The following TCP1 variants were observed in gnomAD, a reference collection of about 807,000 sequenced individuals.
The protein encoded by TCP1 is t-complex 1, also known as T-complex protein 1 subunit alpha.
A neutral mutation model predicts 54.7 loss-of-function variants in TCP1; 6 were observed. The observed-to-expected ratio is 0.11, with a 90% CI of 0.06 to 0.22. The LOEUF (loss-of-function observed/expected upper bound fraction) is 0.22. Among genes scored for constraint, TCP1 ranks in the 10% least tolerant of loss-of-function variants. The pLI, the probability that TCP1 is intolerant of heterozygous loss-of-function variation, is 1.00. For synonymous variants in TCP1, 225 were observed against 229.7 expected, an observed-to-expected ratio of 0.98 and a Z score of 0.19; for missense variants, 511 against 678.2, an observed-to-expected ratio of 0.75 and a Z score of 2.74.
chr6:159,778,938 C>T lies in TCP1; in HGVS notation c.*107G>A, dbSNP rs1780502626. 9 of 1,558,678 alleles carry T rather than the reference C, an allele frequency of 5.8e-6. No individual in the cohort carries two copies. The highest frequency in any genetic ancestry group is 7.0e-6 in the Non-Finnish European group (8 of 1,146,838). The stretch of plus-strand genomic sequence containing the variant: ...TACAGATGGAAACCATTTCCTACAT[C>T]ACAAAAACCCAAGTTTACAGCTTGT... On this transcript the variant is annotated 3_prime_UTR_variant, in exon 12 of 12. Transcript: ENST00000321394.
At position 159,778,978 on chromosome 6, in the gene TCP1, TG is replaced by T; in HGVS notation, c.*66del. 1.9e-6 allele frequency: 3 copies of T among 1,564,398 alleles called. No homozygotes were observed. Among genetic ancestry groups the T allele is most frequent in the Non-Finnish European group, 2.6e-6 (3 of 1,146,236 alleles). The stretch of plus-strand genomic sequence containing the variant: ...TTACAGCTTGTACTTTACTTTAATG[TG>T]TAATACTCAACTCAAGGTACAAGAC... On this transcript the variant is annotated 3_prime_UTR_variant, in exon 12 of 12. Coordinates refer to ENST00000321394, the MANE Select transcript of TCP1 (RefSeq NM_030752.3).
rs1780636354 is a variant in TCP1 at position 159,784,070 on chromosome 6, A to G, written c.671-3T>C. Reference sequence around the variant, plus strand: ...ATTTACGATTCTCTTGGGCATGCCTACAATTGAACATAAGATTAAGTTAAT... The same window carrying G: ...ATTTACGATTCTCTTGGGCATGCCTGCAATTGAACATAAGATTAAGTTAAT... On this transcript the variant is annotated splice_region_variant and splice_polypyrimidine_tract_variant and intron_variant, in intron 6 of 11. Coordinates refer to ENST00000321394, the MANE Select transcript of TCP1 (RefSeq NM_030752.3). 1.2e-6 allele frequency: 2 copies of G among 1,611,836 alleles called. No homozygotes were observed. The highest frequency in any genetic ancestry group is 1.7e-6 in the Non-Finnish European group (2 of 1,179,324).
Position 159,780,432 on chromosome 6 carries a change from G to C in TCP1, c.1097+11C>G. Reference sequence around the variant, plus strand: ...CGGTATAACTTTACAATTTTAGAAAGTGGCTCTTACTTTTTGATTAAGATC... The same window carrying C: ...CGGTATAACTTTACAATTTTAGAAACTGGCTCTTACTTTTTGATTAAGATC... On this transcript the variant is annotated intron_variant, in intron 9 of 11. Coordinates refer to ENST00000321394, the MANE Select transcript of TCP1 (RefSeq NM_030752.3). The C allele has an allele frequency of 6.2e-7, 1 of 1,613,446 alleles. No individual in the cohort carries two copies. Among genetic ancestry groups the C allele is most frequent in the Non-Finnish European group, 8.5e-7 (1 of 1,179,666 alleles).
intron 3 of TCP1, among the ~76,000 whole-genome samples, chr6:159,786,266 A>AT (rs2114996677): frequency 6.6e-6 from 1 of 152,320 alleles, no homozygotes; most frequent in South Asian, 2.1e-4. Flanking sequence ...TGTAACGCTG[A>AT]TGGGGGGAGG....
chr6:159,787,929 ATAATACACGTTCACCTT>A (rs758355235), intron 2 of TCP1, 58 bp from the exon 3 acceptor site: 2 of 1,609,444 alleles, frequency 1.2e-6, no homozygotes. Context: ...CAGCCCCATT[ATAATACACGTTCACCTT>A]TAATATCACC....
intron 3 of TCP1, 93 bp from the exon 4 acceptor site, chr6:159,786,090 C>A (rs896051246): frequency 3.1e-6 from 3 of 963,922 alleles, no homozygotes; most frequent in Non-Finnish European, 1.6e-6. Context: ...ATATTATTAA[C>A]CAAAATGGTA....
chr6:159,787,813 G>A lies in TCP1; in HGVS notation c.209C>T (p.Pro70Leu), dbSNP rs1780733825. The A allele has an allele frequency of 1.2e-6, 2 of 1,614,020 alleles. No homozygotes were observed. The highest frequency in any genetic ancestry group is 1.7e-5 in the Admixed American group (1 of 60,008). Reference protein sequence around the residue: ...TILKLLEVEHPAAKVLCELAD... With the variant: ...TILKLLEVEHLAAKVLCELAD... ...CAGCTCACAAAGAACTTTAGCTGCAGGATGTTCTACCTCCAGTAACTTCAG... is the reference window on the plus strand; with the variant it reads ...CAGCTCACAAAGAACTTTAGCTGCAAGATGTTCTACCTCCAGTAACTTCAG... Residue 70 changes from proline to leucine, a missense_variant, in exon 3 of 12, where the codon CCT becomes CTT. Around this residue, in one of 5 missense-constraint regions of TCP1, gnomAD observed 54 missense variants for 111.8 expected, o/e 0.48. Transcript: ENST00000321394.
intron 6 of TCP1, 51 bp from the exon 7 acceptor site, chr6:159,784,118 TAA>T (rs764143203): frequency 9.6e-5 from 151 of 1,577,946 alleles, no homozygotes; most frequent in Non-Finnish European, 9.0e-5. Flanking sequence ...AAAAGCATAA[TAA>T]AGAGTACCTA....
chr6:159,788,220 G>C, intron 1 of TCP1, 77 bp from the exon 2 acceptor site: 1 of 1,398,894 alleles, frequency 7.1e-7, no homozygotes, highest in African/African-American at 1.4e-5. Context: ...TCAGCCTAAA[G>C]GTAAATGACA....
chr6:159,783,911 T>TA, intron 7 of TCP1, 30 bp downstream of exon 7: 2 of 1,559,672 alleles, frequency 1.3e-6, no homozygotes, highest in Non-Finnish European at 1.7e-6. Flanking sequence ...CACTCACACT[T>TA]AAAAGGCCAA....
chr6:159,780,121 C>A, intron 9 of TCP1, 34 bp from the exon 10 acceptor site: 1 of 1,578,216 alleles, frequency 6.3e-7, no homozygotes, highest in Non-Finnish European at 8.6e-7. Context: ...CTTGTAATAG[C>A]ATTTTTAAAA....
intron 8 of TCP1, 85 bp from the exon 9 acceptor site, chr6:159,780,651 G>C: frequency 6.6e-7 from 1 of 1,505,258 alleles, no homozygotes; most frequent in Non-Finnish European, 9.0e-7. Context: ...TGTGGTAAAA[G>C]TGCTATATTA....
intron 4 of TCP1, 133 bp downstream of exon 4, chr6:159,785,767 T>C (rs775706944): frequency 7.1e-6 from 6 of 842,776 alleles, no homozygotes; most frequent in Non-Finnish European, 1.2e-5. Context: ...ACTTCAAATA[T>C]TACTACTTAA....
intron 9 of TCP1, 26 bp downstream of exon 9, chr6:159,780,417 T>A (rs919301992): frequency 6.2e-7 from 1 of 1,613,338 alleles, no homozygotes; most frequent in Non-Finnish European, 8.5e-7. Flanking sequence ...CGGTATAACT[T>A]TACAATTTTA....
chr6:159,778,577 A>C lies in TCP1; in HGVS notation c.*468T>G. On this transcript the variant is annotated 3_prime_UTR_variant, in exon 12 of 12. Transcript: ENST00000321394. ...GTTTGAAAGGGTAGCATGCTGATAC[A>C]TTAAGAGGAAAAAGACAAGTTTAAG... is the stretch of plus-strand genomic sequence containing the variant. 1 of 1,474,344 alleles carries C rather than the reference A, an allele frequency of 6.8e-7. No homozygotes were observed. The highest frequency in any genetic ancestry group is 9.3e-7 in the Non-Finnish European group (1 of 1,074,882). The allele number at this position is 1,474,344 out of a possible 1,614,324, so 91.3% of individuals were successfully genotyped here.
chr6:159,781,235 G>C, intron 7 of TCP1, 125 bp from the exon 8 acceptor site: 2 of 889,236 alleles, frequency 2.2e-6, no homozygotes, highest in South Asian at 5.1e-5. Flanking sequence ...TCTCTGACCA[G>C]AATTTAAATT....
rs541424373 is a variant in TCP1 at position 159,780,557 on chromosome 6, A to G, written c.983T>C (p.Leu328Pro). The change falls in exon 9 of 12, where the codon CTG (leucine) becomes CCG (proline). Residue 328 changes from leucine (L) to proline (P), a missense_variant. By Grantham distance (98) the Leu-to-Pro change is moderately conservative. Around this residue, in one of 5 missense-constraint regions of TCP1, gnomAD observed 305 missense variants for 352.8 expected, o/e 0.86. Coordinates refer to ENST00000321394, the MANE Select transcript of TCP1 (RefSeq NM_030752.3). ...RIAKASGATI[L>P]STLANLEGEE... ...ACCTTCCAAATTGGCCAGGGTTGAC[A>G]GAATAGTTGCTAATAAGAGAGTTAC... 6.2e-7 allele frequency: 1 copy of G among 1,612,310 alleles called. No individual in the cohort carries two copies. Among genetic ancestry groups the G allele is most frequent in the Admixed American group, 1.7e-5 (1 of 59,588 alleles).
At chr6:159,780,706 C>G (rs1780556942) in intron 8 of TCP1, 140 bp from the exon 9 acceptor site, 3 of 1,274,148 alleles carry the variant, frequency 2.4e-6, no homozygotes, top group Non-Finnish European at 2.2e-6. Context: ...CTCCTTTTAT[C>G]CTAAGATGGA....
In TCP1 at chr6:159,780,582, C is replaced by G. The variant is rs1477402458; in HGVS notation, c.974-16G>C. 1 of 1,607,532 alleles carries G rather than the reference C, an allele frequency of 6.2e-7. No individual in the cohort carries two copies. The highest frequency in any genetic ancestry group is 8.5e-7 in the Non-Finnish European group (1 of 1,178,118). On this transcript the variant is annotated splice_polypyrimidine_tract_variant and intron_variant, in intron 8 of 11. Coordinates refer to ENST00000321394, the MANE Select transcript of TCP1 (RefSeq NM_030752.3). ...AGAATAGTTGCTAATAAGAGAGTTACAAAGGATCTGTGAATATTGCTCTTT... is the reference window on the plus strand; with the variant it reads ...AGAATAGTTGCTAATAAGAGAGTTAGAAAGGATCTGTGAATATTGCTCTTT...
Sources: allele counts gnomAD v4.1 joint callset (sites outside exome capture counted in the v4.1 genomes callset), GRCh38; gene constraint gnomAD v4.1.1; regional missense constraint gnomAD v4.1.1; transcripts MANE v1.5; gene names NCBI Gene and HGNC (gene_info 2026-07-23, HGNC 2026-07-21).